Variants in ADCK1 observed in about 807,000 individuals in gnomAD.
ADCK1 encodes the protein aarF domain containing kinase 1, also known as aarF domain-containing protein kinase 1.
Under a neutral mutation model 52.3 loss-of-function variants are expected in ADCK1, and 41 were observed. The observed-to-expected ratio is 0.78, with a 90% CI of 0.61 to 1.02. ADCK1 has a LOEUF of 1.02. Among genes scored for constraint, ADCK1 ranks in the 50% least tolerant of loss-of-function variants. ADCK1 has a pLI of 0.00. For missense variants in ADCK1, 658 were observed against 679.5 expected (o/e 0.97, Z 0.35); for synonymous variants, 250 against 274.6 (o/e 0.91, Z 0.89).
intron 7 of ADCK1, among the ~76,000 whole-genome samples, chr14:77,917,390 C>T (rs565542258): frequency 4.6e-5 from 7 of 152,238 alleles, no homozygotes; most frequent in Admixed American, 3.9e-4. Flanking sequence ...ACACCAACCC[C>T]GTTTCCTTCA....
At chr14:77,886,935 C>T (rs1359815005) in intron 4 of ADCK1, among the ~76,000 whole-genome samples, 156 bp from the exon 5 acceptor site, 4 of 121,802 alleles carry the variant, frequency 3.3e-5, no homozygotes, top group East Asian at 2.3e-4. Context: ...CACACACACA[C>T]ACACACGCAC....
intron 4 of ADCK1, among the ~76,000 whole-genome samples, chr14:77,877,550 G>T (rs1050273295): frequency 3.9e-5 from 6 of 152,184 alleles, no homozygotes; most frequent in Non-Finnish European, 7.3e-5. Context: ...CCCTTCCCAA[G>T]GGGGAAATAG....
Position 77,866,797 on chromosome 14 carries a change from G to A in ADCK1, c.423+7518G>A, listed in dbSNP as rs187331834. Reference sequence around the variant, plus strand: ...TCCCTTACAGTGTCCTGGTGGGGCCGGGTGTGGGCTATATCCAGGGCTGAG... The same window carrying A: ...TCCCTTACAGTGTCCTGGTGGGGCCAGGTGTGGGCTATATCCAGGGCTGAG... On this transcript the variant is annotated intron_variant, in intron 4 of 10. Coordinates refer to ENST00000238561, the MANE Select transcript of ADCK1 (RefSeq NM_020421.4). Among the ~76,000 whole-genome samples the A allele has an allele frequency of 3.5e-3, 536 of 152,250 alleles. 4 individuals carry two copies. Among genetic ancestry groups the A allele is most frequent in the Middle Eastern group, 6.8e-3 (2 of 294 alleles).
intron 6 of ADCK1, among the ~76,000 whole-genome samples, chr14:77,906,877 G>C (rs928828868): frequency 5.3e-5 from 8 of 152,088 alleles, no homozygotes; most frequent in Admixed American, 1.3e-4. Flanking sequence ...TATGTCACAT[G>C]GCCATACCTA....
intron 4 of ADCK1, among the ~76,000 whole-genome samples, chr14:77,879,908 A>G (rs1193074795): frequency 6.6e-6 from 1 of 152,146 alleles, no homozygotes; most frequent in African/African-American, 2.4e-5. Context: ...GGGGGCTACT[A>G]TAGGCTCTAT....
At chr14:77,891,517 G>T (rs2140219447) in intron 5 of ADCK1, among the ~76,000 whole-genome samples, 1 of 152,260 alleles carries the variant, frequency 6.6e-6, no homozygotes, top group African/African-American at 2.4e-5. Context: ...GTTGCTGTAA[G>T]GTCAGAGCAA....
At position 77,859,080 on chromosome 14, in the gene ADCK1, AC is replaced by A. The variant is rs762512719; in HGVS notation, c.226del (p.Leu76PhefsTer40). 18 of 1,600,796 alleles carry A rather than the reference AC, an allele frequency of 1.1e-5. No individual in the cohort carries two copies. Among genetic ancestry groups the A allele is most frequent in the Non-Finnish European group, 1.4e-5 (16 of 1,173,608 alleles). ...TCCTGGCCTGTCTTCCTGCAGGTGCACCTTCGCTCTGCCAGGCGTCTCTGTG... is the reference window on the plus strand; with the variant it reads ...TCCTGGCCTGTCTTCCTGCAGGTGCACTTCGCTCTGCCAGGCGTCTCTGTG... Reference protein sequence around the residue: ...EEYLQLRSKVHLRSARRLCEL... With the variant: ...EEYLQLRSKVXLRSARRLCEL... On this transcript the variant is annotated frameshift_variant, in exon 4 of 11. Transcript: ENST00000238561. LOFTEE classifies it high-confidence loss of function.
chr14:77,823,977 C>T (rs183101216), intron 3 of ADCK1, among the ~76,000 whole-genome samples: 22 of 152,212 alleles, frequency 1.4e-4, no homozygotes, highest in African/African-American at 4.6e-4. Flanking sequence ...TGGTTCACTG[C>T]AACCTCCATC....
At chr14:77,903,877 C>A (rs2083601668) in intron 6 of ADCK1, among the ~76,000 whole-genome samples, 1 of 152,094 alleles carries the variant, frequency 6.6e-6, no homozygotes, top group African/African-American at 2.4e-5. Context: ...TATATAACTT[C>A]TTTTTTGCAG....
chr14:77,870,457 G>A (rs1195214215), intron 4 of ADCK1, among the ~76,000 whole-genome samples: 3 of 152,230 alleles, frequency 2.0e-5, no homozygotes, highest in Non-Finnish European at 4.4e-5. Context: ...GTTCTTGTGT[G>A]TGCCCAAGAC....
intron 3 of ADCK1, among the ~76,000 whole-genome samples, chr14:77,857,797 A>G (rs1594950688): frequency 6.6e-6 from 1 of 152,310 alleles, no homozygotes; most frequent in East Asian, 1.9e-4. Context: ...GTGGCACTGA[A>G]GAGTATAAGT....
At chr14:77,849,768 T>G (rs1352164654) in intron 3 of ADCK1, among the ~76,000 whole-genome samples, 1 of 152,178 alleles carries the variant, frequency 6.6e-6, no homozygotes, top group Non-Finnish European at 1.5e-5. Context: ...TTCAAATATT[T>G]GGGAATTTTC....
At chr14:77,872,270 G>A (rs1462315239) in intron 4 of ADCK1, among the ~76,000 whole-genome samples, 3 of 152,156 alleles carry the variant, frequency 2.0e-5, no homozygotes, top group Non-Finnish European at 4.4e-5. Context: ...CAGCAGGATG[G>A]TGGCTGAGCC....
intron 3 of ADCK1, among the ~76,000 whole-genome samples, chr14:77,837,317 T>C (rs1039733244): frequency 2.0e-5 from 3 of 152,038 alleles, no homozygotes; most frequent in Non-Finnish European, 4.4e-5. Flanking sequence ...TTGTATTTTT[T>C]TGTAGAGACA....
At chr14:77,840,910 G>A in intron 3 of ADCK1, among the ~76,000 whole-genome samples, 1 of 111,940 alleles carries the variant, frequency 8.9e-6, no homozygotes. Context: ...GGAGGGGAGG[G>A]AAGAGGGAGG....
At chr14:77,844,820 G>A (rs772834591) in intron 3 of ADCK1, among the ~76,000 whole-genome samples, 16 of 152,178 alleles carry the variant, frequency 1.1e-4, no homozygotes, top group Non-Finnish European at 1.9e-4. Context: ...GAAACATCTA[G>A]CTCTGGGAAA....
intron 4 of ADCK1, among the ~76,000 whole-genome samples, chr14:77,881,828 G>A (rs1212613586): frequency 1.3e-5 from 2 of 152,220 alleles, no homozygotes; most frequent in Non-Finnish European, 2.9e-5. Flanking sequence ...ACCGGGAAAT[G>A]AGTGTGCTTG....
At chr14:77,872,907 C>T (rs2082816566) in intron 4 of ADCK1, among the ~76,000 whole-genome samples, 1 of 152,184 alleles carries the variant, frequency 6.6e-6, no homozygotes, top group Non-Finnish European at 1.5e-5. Context: ...ATCTCCTGAC[C>T]TCAGGTGACC....
chr14:77,807,570 C>A (rs2081257227), intron 1 of ADCK1, among the ~76,000 whole-genome samples: 1 of 146,252 alleles, frequency 6.8e-6, no homozygotes. Flanking sequence ...AGTGTGGTGG[C>A]ATGATCTTGG....
Sources: allele counts gnomAD v4.1 joint callset (sites outside exome capture counted in the v4.1 genomes callset), GRCh38; gene constraint gnomAD v4.1.1; transcripts MANE v1.5; gene names NCBI Gene and HGNC (gene_info 2026-07-23, HGNC 2026-07-21).